TPRG1: variants seen among roughly 807,000 people sequenced by gnomAD.
The protein encoded by TPRG1 is tumor protein p63-regulated gene 1 protein.
In TPRG1, 29 loss-of-function variants were observed where a neutral mutation model predicts 29.3. That is an observed-to-expected ratio of 0.99 (90% CI 0.74 to 1.35). TPRG1 has a LOEUF of 1.35. Among genes scored for constraint, TPRG1 ranks in the 40% most tolerant of loss-of-function variants. The probability of loss-of-function intolerance (pLI) is 0.00; values close to 1 mark genes in which losing one functional copy is unlikely to be tolerated. For missense variants in TPRG1, 327 were observed against 335.0 expected (o/e 0.98, Z 0.19); for synonymous variants, 130 against 116.8 (o/e 1.11, Z -0.73).
intron 3 of TPRG1, among the ~76,000 whole-genome samples, chr3:189,143,209 A>G (rs1353221515): frequency 1.3e-5 from 2 of 152,190 alleles, no homozygotes; most frequent in East Asian, 3.9e-4. Flanking sequence ...TACATCCATC[A>G]GATGATTCCC....
At chr3:189,292,194 A>C (rs769832223) in intron 4 of TPRG1, among the ~76,000 whole-genome samples, 1 of 151,956 alleles carries the variant, frequency 6.6e-6, no homozygotes, top group South Asian at 2.1e-4. Flanking sequence ...GACTCTAAAA[A>C]AGGCAGTTAA....
At chr3:189,264,898 A>G (rs1290147720) in intron 4 of TPRG1, among the ~76,000 whole-genome samples, 1 of 152,240 alleles carries the variant, frequency 6.6e-6, no homozygotes, top group African/African-American at 2.4e-5. Context: ...CATAACATTC[A>G]GCATAAGAAT....
At chr3:189,166,062 A>G (rs1728131996) in intron 5 of TPRG1, among the ~76,000 whole-genome samples, 1 of 152,236 alleles carries the variant, frequency 6.6e-6, no homozygotes, top group South Asian at 2.1e-4. Context: ...CATAATAAAG[A>G]TGAAAATTAA....
chr3:189,104,001 G>C (rs1051897335), intron 1 of TPRG1, among the ~76,000 whole-genome samples: 20 of 152,102 alleles, frequency 1.3e-4, no homozygotes, highest in African/African-American at 4.8e-4. Context: ...AAGGAAGAGG[G>C]GTTAGGTGAG....
chr3:189,171,707 A>G (rs1398357051), upstream of TPRG1, among the ~76,000 whole-genome samples: 1 of 152,186 alleles, frequency 6.6e-6, no homozygotes, highest in Non-Finnish European at 1.5e-5. Context: ...GCTTAATTAT[A>G]ACTACTTGGA....
intron 4 of TPRG1, among the ~76,000 whole-genome samples, chr3:189,298,631 G>C (rs890063588): frequency 1.3e-5 from 2 of 152,160 alleles, no homozygotes; most frequent in Non-Finnish European, 2.9e-5. Flanking sequence ...CTTTGGCAGG[G>C]AAGGGGCCAC....
At chr3:189,125,282 C>T (rs950592690) in intron 1 of TPRG1, among the ~76,000 whole-genome samples, 2 of 152,188 alleles carry the variant, frequency 1.3e-5, no homozygotes, top group Non-Finnish European at 2.9e-5. Flanking sequence ...TTCTTTTTCT[C>T]CCTTGGCTTC....
At chr3:189,088,678 T>C (rs1289487066) in intron 4 of TPRG1, among the ~76,000 whole-genome samples, 1 of 152,166 alleles carries the variant, frequency 6.6e-6, no homozygotes, top group Non-Finnish European at 1.5e-5. Context: ...CCATTTCCTA[T>C]ATCCAATCTA....
At chr3:189,316,275 A>G (rs1220175480) in intron 5 of TPRG1, among the ~76,000 whole-genome samples, 1 of 152,190 alleles carries the variant, frequency 6.6e-6, no homozygotes, top group Non-Finnish European at 1.5e-5. Flanking sequence ...CAGGGGCTCT[A>G]TGAGGATAAT....
intron 1 of TPRG1, among the ~76,000 whole-genome samples, chr3:189,199,949 A>G (rs1287703472): frequency 2.6e-5 from 4 of 152,200 alleles, no homozygotes; most frequent in Non-Finnish European, 4.4e-5. Flanking sequence ...CAACTTGCAA[A>G]CAATCAAGTC....
At chr3:189,063,795 TACTC>T (rs1416965960) in intron 4 of TPRG1, among the ~76,000 whole-genome samples, 1 of 152,182 alleles carries the variant, frequency 6.6e-6, no homozygotes, top group East Asian at 1.9e-4. Context: ...AGTAAAAACT[TACTC>T]TAGAAGCAAA....
chr3:189,233,166 ATGTGTGTGTGTG>A (rs59388844), intron 3 of TPRG1, among the ~76,000 whole-genome samples: 4 of 148,878 alleles, frequency 2.7e-5, no homozygotes, highest in South Asian at 2.1e-4. Context: ...CTGAGTGTGT[ATGTGTGTGTGTG>A]TGTGTGTGTG....
At chr3:189,239,177 T>C (rs1740082480) in intron 4 of TPRG1, among the ~76,000 whole-genome samples, 2 of 152,170 alleles carry the variant, frequency 1.3e-5, no homozygotes, top group Admixed American at 6.6e-5. Flanking sequence ...GAACTGACAG[T>C]TCCACATGGC....
intron 4 of TPRG1, among the ~76,000 whole-genome samples, chr3:189,032,669 C>T (rs1010549248): frequency 1.3e-5 from 2 of 151,108 alleles, no homozygotes; most frequent in Non-Finnish European, 2.9e-5. Flanking sequence ...CATATGTATA[C>T]ATGGGCCATG....
At chr3:189,076,558 T>C (rs1321690808) in intron 4 of TPRG1, among the ~76,000 whole-genome samples, 3 of 152,048 alleles carry the variant, frequency 2.0e-5, no homozygotes, top group Non-Finnish European at 4.4e-5. Flanking sequence ...AAAATACTTG[T>C]ATAAAAACAG....
chr3:189,043,059 T>C (rs1343905869), intron 4 of TPRG1, among the ~76,000 whole-genome samples: 1 of 152,206 alleles, frequency 6.6e-6, no homozygotes, highest in Non-Finnish European at 1.5e-5. Context: ...GAGAACACTA[T>C]GGGATCTGCT....
At chr3:189,201,770 C>T (rs780450743) in intron 1 of TPRG1, among the ~76,000 whole-genome samples, 2 of 152,066 alleles carry the variant, frequency 1.3e-5, no homozygotes, top group South Asian at 2.1e-4. Context: ...CTGCCTCTGC[C>T]TCCCAAGTAG....
At chr3:189,073,284 C>T (rs1281232973) in intron 4 of TPRG1, among the ~76,000 whole-genome samples, 1 of 152,160 alleles carries the variant, frequency 6.6e-6, no homozygotes, top group African/African-American at 2.4e-5. Flanking sequence ...TTCTTCCTTC[C>T]AAGAACTCTG....
intron 4 of TPRG1, among the ~76,000 whole-genome samples, chr3:189,032,482 T>G (rs1452827149): frequency 6.6e-6 from 1 of 152,196 alleles, no homozygotes; most frequent in African/African-American, 2.4e-5. Flanking sequence ...ATACACTAGA[T>G]AAATTATTTC....
Sources: gnomAD v4.1 joint callset for allele counts (sites outside exome capture counted in the v4.1 genomes callset) on GRCh38, gnomAD v4.1.1 for gene constraint, MANE v1.5 for transcripts, NCBI Gene and HGNC (gene_info 2026-07-23, HGNC 2026-07-21) for gene names.